BSCL2: variants seen among roughly 807,000 people sequenced by gnomAD.
The protein encoded by BSCL2 is BSCL2 lipid droplet biogenesis associated, seipin, also known as seipin.
Under a neutral mutation model 57.4 loss-of-function variants are expected in BSCL2, and 41 were observed. That is an observed-to-expected ratio of 0.71 (90% CI 0.56 to 0.93). BSCL2 has a LOEUF of 0.93. Among genes scored for constraint, BSCL2 ranks in the 40% least tolerant of loss-of-function variants. BSCL2 has a pLI of 0.00. For missense variants in BSCL2, 539 were observed against 586.7 expected, an observed-to-expected ratio of 0.92 and a Z score of 0.84; for synonymous variants, 237 against 227.3, an observed-to-expected ratio of 1.04 and a Z score of -0.38.
intron 3 of BSCL2, among the ~76,000 whole-genome samples, chr11:62,698,466 G>A (rs537306133): frequency 6.9e-4 from 105 of 152,320 alleles, no homozygotes; most frequent in African/African-American, 2.5e-3. Flanking sequence ...CCAAAGTGCT[G>A]GGATTACAGG....
In BSCL2 at chr11:62,694,624, C is replaced by T; in HGVS notation, c.574G>A (p.Val192Ile). 1 of 1,614,102 alleles carries T rather than the reference C, an allele frequency of 6.2e-7. No individual in the cohort carries two copies. ...CCTCTGGTGTAGCAGGAAATGGTGACCAAGAACATGCCCAAATCTTGATTC... is the reference window on the plus strand; with the variant it reads ...CCTCTGGTGTAGCAGGAAATGGTGATCAAGAACATGCCCAAATCTTGATTC... ...PVNQDLGMFLVTISCYTRGGR... is the reference protein window; with the variant it reads ...PVNQDLGMFLITISCYTRGGR... Residue 192 changes from valine (V) to isoleucine (I), a missense_variant, in exon 4 of 11, where the codon GTC (valine) becomes ATC (isoleucine). Coordinates refer to ENST00000360796, the MANE Select transcript of BSCL2 (RefSeq NM_001122955.4).
upstream of BSCL2, chr11:62,707,701 T>C: frequency 2.8e-6 from 1 of 356,012 alleles, no homozygotes; most frequent in South Asian, 2.6e-5. Context: ...ATCCTTCAGG[T>C]ACCAGCCATC....
chr11:62,709,323 G>A (rs1384808158), upstream of BSCL2: 3 of 454,006 alleles, frequency 6.6e-6, no homozygotes, highest in African/African-American at 2.0e-5. Context: ...GATCAGAGGG[G>A]TCGGGGGATG....
At chr11:62,690,760 GGAGA>G in intron 9 of BSCL2, 23 bp downstream of exon 9, 1 of 1,613,770 alleles carries the variant, frequency 6.2e-7, no homozygotes, top group Admixed American at 1.7e-5. Context: ...GAGTCAGGAA[GGAGA>G]GAGTGTGGTG....
chr11:62,708,698 C>T (rs776136195), upstream of BSCL2: 2 of 1,613,510 alleles, frequency 1.2e-6, no homozygotes, highest in Admixed American at 1.7e-5. Flanking sequence ...CAGCAGCAGA[C>T]CTGATGACTT....
chr11:62,708,472 G>A, upstream of BSCL2: 1 of 1,262,196 alleles, frequency 7.9e-7, no homozygotes, highest in East Asian at 2.3e-5. Context: ...CAAGATAAGA[G>A]ATGCGTTCTT....
At chr11:62,697,119 G>A (rs1377139509) in intron 3 of BSCL2, among the ~76,000 whole-genome samples, 1 of 152,128 alleles carries the variant, frequency 6.6e-6, no homozygotes, top group Non-Finnish European at 1.5e-5. Context: ...TGCCGGCCGG[G>A]CGCGGTGGCT....
At chr11:62,703,376 G>T (rs1945706451) in intron 2 of BSCL2, among the ~76,000 whole-genome samples, 1 of 135,334 alleles carries the variant, frequency 7.4e-6, no homozygotes, top group South Asian at 2.5e-4. Context: ...TTTTGAGACG[G>T]AGTCTTGCTC....
chr11:62,697,903 C>G (rs557027091), intron 3 of BSCL2, among the ~76,000 whole-genome samples: 1 of 151,402 alleles, frequency 6.6e-6, no homozygotes, highest in African/African-American at 2.4e-5. Context: ...ATGCAGAATC[C>G]ACATCCTTTT....
At chr11:62,708,186 G>A (rs2083574662), upstream of BSCL2, 3 of 777,660 alleles carry the variant, frequency 3.9e-6, no homozygotes, top group Non-Finnish European at 7.1e-6. Flanking sequence ...GATAGGAGGG[G>A]AACAAAATAT....
At chr11:62,698,143 G>A (rs1446882736) in intron 3 of BSCL2, among the ~76,000 whole-genome samples, 5 of 151,744 alleles carry the variant, frequency 3.3e-5, no homozygotes, top group South Asian at 2.1e-4. Flanking sequence ...TCCTGACCCC[G>A]TGATCCACCC....
intron 8 of BSCL2, 64 bp from the exon 9 acceptor site, chr11:62,690,931 C>T (rs1165394143): frequency 6.3e-7 from 1 of 1,586,550 alleles, no homozygotes; most frequent in Admixed American, 1.7e-5. Context: ...ACGGCAGTGC[C>T]AACCTCACCT....
In BSCL2 at chr11:62,692,483, G is replaced by C. The variant is rs367716875; in HGVS notation, c.766-10C>G. ...CAGTGGTCGGCACGTACTGTGAGGGGGTGGGGTGAGGGTGGCGTCAGGCCA... is the reference window on the plus strand; with the variant it reads ...CAGTGGTCGGCACGTACTGTGAGGGCGTGGGGTGAGGGTGGCGTCAGGCCA... On this transcript the variant is annotated splice_polypyrimidine_tract_variant and intron_variant, in intron 5 of 10. Transcript: ENST00000360796. 3.1e-6 allele frequency: 5 copies of C among 1,613,542 alleles called. No homozygotes were observed. The highest frequency in any genetic ancestry group is 4.2e-6 in the Non-Finnish European group (5 of 1,179,876).
chr11:62,706,493 G>A, intron 1 of BSCL2: 2 of 407,044 alleles, frequency 4.9e-6, no homozygotes, highest in South Asian at 3.6e-5. Context: ...CGGTTACCGT[G>A]ACCAAAGGGG....
At chr11:62,709,315 T>C (rs1415443373), upstream of BSCL2, 2 of 453,738 alleles carry the variant, frequency 4.4e-6, no homozygotes, top group East Asian at 1.4e-4. Flanking sequence ...GGATCGGAGA[T>C]CAGAGGGGTC....
In BSCL2 at chr11:62,692,366, G is replaced by A. The variant is rs1945334733; in HGVS notation, c.863+10C>T. 6.2e-7 allele frequency: 1 copy of A among 1,613,804 alleles called. No homozygotes were observed. Among genetic ancestry groups the A allele is most frequent in the Admixed American group, 1.7e-5 (1 of 60,018 alleles). ...GAGTTGCCCAAGGTTCACTCCAGTT[G>A]GCCCCTCACCTGAGCCCAGTGAAGT... On this transcript the variant is annotated intron_variant, in intron 6 of 10. Transcript: ENST00000360796.
At chr11:62,691,523 G>C in intron 6 of BSCL2, 102 bp from the exon 7 acceptor site, 1 of 1,420,010 alleles carries the variant, frequency 7.0e-7, no homozygotes, top group Non-Finnish European at 9.8e-7. Flanking sequence ...AGTGAGTTTG[G>C]TTACAGCTGG....
At chr11:62,692,843 T>TC (rs781262519) in intron 4 of BSCL2, 46 bp from the exon 5 acceptor site, 1 of 1,609,946 alleles carries the variant, frequency 6.2e-7, no homozygotes, top group Non-Finnish European at 8.5e-7. Flanking sequence ...GCATGCCAGA[T>TC]CCCCATGACC....
chr11:62,701,342 A>G (rs1451979061), intron 3 of BSCL2, among the ~76,000 whole-genome samples: 1 of 152,204 alleles, frequency 6.6e-6, no homozygotes, highest in Non-Finnish European at 1.5e-5. Flanking sequence ...AAACCCATCT[A>G]AGTTGAAACT....
Sources: allele counts gnomAD v4.1 joint callset (sites outside exome capture counted in the v4.1 genomes callset), GRCh38; gene constraint gnomAD v4.1.1; transcripts MANE v1.5; gene names NCBI Gene and HGNC (gene_info 2026-07-23, HGNC 2026-07-21).